The following CBL variants were observed in gnomAD, a reference collection of about 807,000 sequenced individuals.
The protein encoded by CBL is Cbl proto-oncogene.
CBL carries 45 observed loss-of-function variants against 96.9 expected under a neutral mutation model. The ratio of observed to expected loss-of-function variants is 0.46; its 90% CI spans 0.37 to 0.60. The LOEUF (loss-of-function observed/expected upper bound fraction) is 0.60. CBL is among the 20% of genes least tolerant of loss of function. The pLI, the probability that CBL is intolerant of heterozygous loss-of-function variation, is 0.00. For synonymous variants in CBL, 420 were observed against 426.8 expected (o/e 0.98, Z 0.20); for missense variants, 1,024 against 1,143.5 (o/e 0.90, Z 1.51).
At chr11:119,206,740 G>A (rs535573641) in intron 1 of CBL, 128 bp downstream of exon 1, 2 of 1,038,552 alleles carry the variant, frequency 1.9e-6, no homozygotes, top group African/African-American at 1.7e-5. Context: ...GCGCGGAGCC[G>A]GGGTGACCGG....
Position 119,271,715 on chromosome 11 carries a change from T to G in CBL, c.444-20T>G. On this transcript the variant is annotated intron_variant, in intron 2 of 15. Transcript: ENST00000264033. ...AAAATAATTTTATGTGTTTAATTAT[T>G]GCATTCTGATCATTTGTAGGCGAAA... is the stretch of plus-strand genomic sequence containing the variant. The G allele has an allele frequency of 6.2e-7, 1 of 1,608,948 alleles. No homozygotes were observed. The highest frequency in any genetic ancestry group is 1.7e-5 in the Admixed American group (1 of 60,012).
At chr11:119,288,319 C>T (rs1447459660) in intron 12 of CBL, among the ~76,000 whole-genome samples, 1 of 151,868 alleles carries the variant, frequency 6.6e-6, no homozygotes, top group Non-Finnish European at 1.5e-5. Context: ...GACAAAATAC[C>T]ACATATTGGG....
chr11:119,272,980 A>ATT (rs761248677), intron 3 of CBL, among the ~76,000 whole-genome samples: 5 of 126,118 alleles, frequency 4.0e-5, no homozygotes, highest in Admixed American at 7.8e-5. Flanking sequence ...TTGTCGTTTT[A>ATT]TTTTTTTTTT....
chr11:119,245,245 C>T (rs1054222152), intron 2 of CBL, among the ~76,000 whole-genome samples: 14 of 148,974 alleles, frequency 9.4e-5, no homozygotes, highest in African/African-American at 3.2e-4. Flanking sequence ...CAGTTTTTCT[C>T]TCAGCCTTTT....
intron 12 of CBL, among the ~76,000 whole-genome samples, chr11:119,291,889 C>T (rs956997875): frequency 1.3e-5 from 2 of 151,978 alleles, no homozygotes; most frequent in Admixed American, 6.6e-5. Flanking sequence ...CAGAGTCTCA[C>T]TCTGTCACCC....
At chr11:119,236,804 A>G (rs569512775) in intron 2 of CBL, among the ~76,000 whole-genome samples, 1 of 152,002 alleles carries the variant, frequency 6.6e-6, no homozygotes, top group Non-Finnish European at 1.5e-5. Flanking sequence ...CTAGGGGTAA[A>G]GTGGTGTCTT....
intron 2 of CBL, among the ~76,000 whole-genome samples, chr11:119,265,537 G>A (rs767278156): frequency 3.3e-5 from 5 of 152,254 alleles, no homozygotes; most frequent in Admixed American, 6.5e-5. Context: ...GGTGTGAGGA[G>A]CCCAGGAGTT....
At chr11:119,225,632 C>T (rs1454581418) in intron 1 of CBL, among the ~76,000 whole-genome samples, 1 of 151,742 alleles carries the variant, frequency 6.6e-6, no homozygotes, top group African/African-American at 2.4e-5. Context: ...CTCCTAGGCT[C>T]AAGCGATCTG....
Position 119,272,103 on chromosome 11 carries a change from C to G in CBL, c.590+222C>G, listed in dbSNP as rs11217226. On this transcript the variant is annotated intron_variant, in intron 3 of 15. Coordinates refer to ENST00000264033, the MANE Select transcript of CBL (RefSeq NM_005188.4). ...TTGAAACCCATGCTCTTTGAATACT[C>G]TTCCCTTTCTCTCCCCATCCATTGT... Among the ~76,000 whole-genome samples the G allele has an allele frequency of 0.019, 2,859 of 152,194 alleles. 104 individuals are homozygous for G. Among genetic ancestry groups the G allele is most frequent in the African/African-American group, 0.065 (2,719 of 41,518 alleles).
intron 2 of CBL, among the ~76,000 whole-genome samples, chr11:119,233,375 A>G (rs567432840): frequency 6.6e-6 from 1 of 152,266 alleles, no homozygotes; most frequent in East Asian, 1.9e-4. Context: ...CTGGGATTAT[A>G]GATGTGCACC....
At chr11:119,236,624 C>A (rs935547386) in intron 2 of CBL, among the ~76,000 whole-genome samples, 1 of 120,472 alleles carries the variant, frequency 8.3e-6, no homozygotes, top group East Asian at 2.5e-4. Flanking sequence ...TATATATATA[C>A]CCATAGGAGT....
chr11:119,214,058 C>T lies in CBL; in HGVS notation c.195+7446C>T, dbSNP rs114507179. Among the ~76,000 whole-genome samples the T allele has an allele frequency of 7.9e-3, 1,208 of 152,210 alleles. 20 individuals carry two copies. The highest frequency in any genetic ancestry group is 0.027 in the African/African-American group (1,141 of 41,512). Reference sequence around the variant, plus strand: ...CTCCTGGATTCAGGCAATTTTGTTGCCTCAGCCTCCTGAGTAGCTGGGACT... The same window carrying T: ...CTCCTGGATTCAGGCAATTTTGTTGTCTCAGCCTCCTGAGTAGCTGGGACT... On this transcript the variant is annotated intron_variant, in intron 1 of 15. Transcript: ENST00000264033.
chr11:119,270,668 G>C (rs377226650), intron 2 of CBL, among the ~76,000 whole-genome samples: 1 of 150,538 alleles, frequency 6.6e-6, no homozygotes, highest in Non-Finnish European at 1.5e-5. Context: ...GGATGGTCTC[G>C]ATCTCCTGAC....
rs1950141602 is a variant in CBL, at chr11:119,306,420, A to G, written c.*6639A>G. 2.5e-6 allele frequency: 1 copy of G among 398,380 alleles called. No homozygotes were observed. Among genetic ancestry groups the G allele is most frequent in the South Asian group, 1.3e-4 (1 of 7,828 alleles). 24.7% of individuals were successfully genotyped at this position (398,380 alleles called of 1,614,324 possible). ...CCTCCCCACCAACATTGCCTCTCCT[A>G]CATTCTCCTTCTGCCCCTAAATCAG... is the stretch of plus-strand genomic sequence containing the variant. On this transcript the variant is annotated 3_prime_UTR_variant, in exon 16 of 16. Transcript: ENST00000264033.
intron 9 of CBL, 93 bp downstream of exon 9, chr11:119,278,806 G>A: frequency 2.2e-6 from 2 of 910,162 alleles, no homozygotes; most frequent in Non-Finnish European, 3.6e-6. Context: ...ACAATGATAG[G>A]TAGTATTAAT....
Position 119,206,522 on chromosome 11 carries a change from GCAC to G in CBL, c.125_127del (p.His42del), listed in dbSNP as rs373212940. 140 of 1,548,456 alleles carry G rather than the reference GCAC, an allele frequency of 9.0e-5. No homozygotes were observed. The highest frequency in any genetic ancestry group is 1.9e-4 in the African/African-American group (14 of 73,270). ...GGCTCATGAAGGACGCCTTCCAGCCGCACCACCACCACCACCACCACCTCAGCC... is the reference window on the plus strand; with the variant it reads ...GGCTCATGAAGGACGCCTTCCAGCCGCACCACCACCACCACCACCTCAGCC... On this transcript the variant is annotated inframe_deletion, in exon 1 of 16. Coordinates refer to ENST00000264033, the MANE Select transcript of CBL (RefSeq NM_005188.4).
chr11:119,284,209 C>T (rs1229752561), intron 9 of CBL, among the ~76,000 whole-genome samples: 7 of 152,026 alleles, frequency 4.6e-5, no homozygotes, highest in African/African-American at 7.2e-5. Flanking sequence ...TCACCGTCAT[C>T]GATCTCTTTC....
chr11:119,264,486 T>C (rs80282289), intron 2 of CBL, among the ~76,000 whole-genome samples: 2,269 of 151,586 alleles, frequency 0.015, 53 homozygotes, highest in African/African-American at 0.052. Flanking sequence ...TCTTTTCTTT[T>C]CTTTTCTTTT....
chr11:119,208,949 G>GCTT (rs1419584948), intron 1 of CBL, among the ~76,000 whole-genome samples: 1 of 152,168 alleles, frequency 6.6e-6, no homozygotes, highest in South Asian at 2.1e-4. Context: ...CGGAAAGTAG[G>GCTT]CTTCTAGCTT....
Sources: gnomAD v4.1 joint callset for allele counts (sites outside exome capture counted in the v4.1 genomes callset) on GRCh38, gnomAD v4.1.1 for gene constraint, MANE v1.5 for transcripts, NCBI Gene and HGNC (gene_info 2026-07-23, HGNC 2026-07-21) for gene names.